DACT1: variants seen among roughly 807,000 people sequenced by gnomAD.
The protein encoded by DACT1 is dapper homolog 1.
Under a neutral mutation model 35.3 loss-of-function variants are expected in DACT1, and 19 were observed. The ratio of observed to expected loss-of-function variants is 0.54; its 90% CI spans 0.38 to 0.79. The LOEUF (loss-of-function observed/expected upper bound fraction) is 0.79, where lower values mean the gene tolerates loss of function less well. DACT1 is among the 30% of genes least tolerant of loss of function. The pLI is 0.00. For synonymous variants in DACT1, 545 were observed against 466.7 expected (o/e 1.17, Z -2.16); for missense variants, 1,143 against 1,057.5 (o/e 1.08, Z -1.12).
rs1165957950 is a variant in DACT1 at position 58,646,629 on chromosome 14, C to G, written c.1895C>G (p.Pro632Arg). 1.2e-6 allele frequency: 2 copies of G among 1,610,572 alleles called. No homozygotes were observed. Among genetic ancestry groups the G allele is most frequent in the Non-Finnish European group, 1.7e-6 (2 of 1,178,812 alleles). ...GGACGGGAGGCGGTGGTGGCCAAAC[C>G]TAAGCACAAGCGAACTGACTACCGG... ...GHGREAVVAK[P>R]KHKRTDYRRW... The change falls in exon 4 of 4, where the codon CCT becomes CGT. Residue 632 changes from proline (P) to arginine (R), a missense_variant. This residue lies in a region of DACT1 where 1,054 missense variants were observed against 958.8 expected (regional missense o/e 1.10). Coordinates refer to ENST00000395153, the MANE Select transcript of DACT1 (RefSeq NM_001079520.2).
Position 58,646,006 on chromosome 14 carries a change from A to G in DACT1, c.1272A>G (p.Gln424=). Residue 424 remains glutamine (Q), a synonymous_variant, in exon 4 of 4, where the codon CAA becomes CAG. Coordinates refer to ENST00000395153, the MANE Select transcript of DACT1 (RefSeq NM_001079520.2). The part of the protein sequence containing the change: ...HLPKTAKPAS[Q]EHARCSAIGT... ...CAAAAACGGCCAAGCCAGCCTCGCA[A>G]GAACATGCTCGGTGTTCCGCCATTG... 6 of 1,614,142 alleles carry G rather than the reference A, an allele frequency of 3.7e-6. No homozygotes were observed. Among genetic ancestry groups the G allele is most frequent in the Non-Finnish European group, 5.1e-6 (6 of 1,180,030 alleles).
In DACT1 at chr14:58,638,323, C is replaced by T; in HGVS notation, c.121C>T (p.Arg41Trp). The change falls in exon 1 of 4, where the codon CGG becomes TGG. Residue 41 changes from arginine (R) to tryptophan (W), a missense_variant. Transcript: ENST00000395153. ...WREKGEADTE[R>W]QRTRERQEAT... ...GGAGAAGGGCGAGGCAGACACCGAG[C>T]GGCAGCGCACCCGGGAGCGGCAGGA... 1 of 1,321,674 alleles carries T rather than the reference C, an allele frequency of 7.6e-7. No homozygotes were observed. Among genetic ancestry groups the T allele is most frequent in the Non-Finnish European group, 9.6e-7 (1 of 1,041,074 alleles). The allele number at this position is 1,321,674 out of a possible 1,614,324, so 81.9% of individuals were successfully genotyped here.
intron 3 of DACT1, among the ~76,000 whole-genome samples, chr14:58,642,229 A>G (rs960602685): frequency 6.6e-6 from 1 of 152,118 alleles, no homozygotes; most frequent in East Asian, 1.9e-4. Flanking sequence ...GCTCATGACT[A>G]TAATCCTAGC....
intron 3 of DACT1, among the ~76,000 whole-genome samples, chr14:58,642,083 C>T (rs2047632226): frequency 6.6e-6 from 1 of 152,272 alleles, no homozygotes; most frequent in African/African-American, 2.4e-5. Flanking sequence ...CTGTTTTCTT[C>T]TTTTAATTAT....
At chr14:58,642,209 C>T (rs144914472) in intron 3 of DACT1, among the ~76,000 whole-genome samples, 78 of 151,886 alleles carry the variant, frequency 5.1e-4, no homozygotes, top group Non-Finnish European at 9.1e-4. Flanking sequence ...TGGGTTGGCC[C>T]GGTGCAGTGG....
At chr14:58,641,013 T>G (rs575726060) in intron 2 of DACT1, 145 bp downstream of exon 2, 42 of 904,880 alleles carry the variant, frequency 4.6e-5, no homozygotes, top group Non-Finnish European at 5.5e-5. Context: ...TGCCATTCAG[T>G]TTTATCGGAA....
chr14:58,638,290 C>A lies in DACT1; in HGVS notation c.88C>A (p.Arg30Ser). 1 of 1,347,752 alleles carries A rather than the reference C, an allele frequency of 7.4e-7. No individual in the cohort carries two copies. The highest frequency in any genetic ancestry group is 9.5e-7 in the Non-Finnish European group (1 of 1,053,472). The allele number at this position is 1,347,752 out of a possible 1,614,324, so 83.5% of individuals were successfully genotyped here. A position where few individuals can be genotyped will look rare whatever the true frequency, so the allele number is the denominator to read the frequency against. ...GEQRTAEPEG[R>S]WREKGEADTE... Reference sequence around the variant, plus strand: ...GCAGCGCACGGCGGAGCCCGAGGGGCGCTGGCGGGAGAAGGGCGAGGCAGA... The same window carrying A: ...GCAGCGCACGGCGGAGCCCGAGGGGAGCTGGCGGGAGAAGGGCGAGGCAGA... Residue 30 changes from arginine to serine, a missense_variant, in exon 1 of 4, where the codon CGC becomes AGC. Physicochemically the swap from Arg to Ser is moderately radical, Grantham distance 110. This residue lies in a region of DACT1 where 85 missense variants were observed against 81.8 expected (regional missense o/e 1.04). Coordinates refer to ENST00000395153, the MANE Select transcript of DACT1 (RefSeq NM_001079520.2).
rs2047710683 is a variant in DACT1 at position 58,647,912 on chromosome 14, C to T, written c.*778C>T. On this transcript the variant is annotated 3_prime_UTR_variant, in exon 4 of 4. Coordinates refer to ENST00000395153, the MANE Select transcript of DACT1 (RefSeq NM_001079520.2). ...TTAGTTTTGGGATAAAATTTTGGTC[C>T]TTGGGCACAGAGACATTCACTATTA... The T allele has an allele frequency of 6.0e-6, 1 of 166,960 alleles. No individual in the cohort carries two copies. The highest frequency in any genetic ancestry group is 1.5e-5 in the Non-Finnish European group (1 of 68,094). The allele number at this position is 166,960 out of a possible 1,614,324, so 10.3% of individuals were successfully genotyped here. A position where few individuals can be genotyped will look rare whatever the true frequency, so the allele number is the denominator to read the frequency against.
rs1447313225 is a variant in DACT1 at position 58,647,183 on chromosome 14, A to G, written c.*49A>G. 2.5e-6 allele frequency: 4 copies of G among 1,574,648 alleles called. No homozygotes were observed. The highest frequency in any genetic ancestry group is 4.2e-5 in the Admixed American group (2 of 47,906). The stretch of plus-strand genomic sequence containing the variant: ...TTGTGTGTTTTTTTTTCTTCTCCCT[A>G]GTTGCCAAAATTAAAAAGGTGGTGT... On this transcript the variant is annotated 3_prime_UTR_variant, in exon 4 of 4. Coordinates refer to ENST00000395153, the MANE Select transcript of DACT1 (RefSeq NM_001079520.2).
Position 58,646,784 on chromosome 14 carries a change from G to A in DACT1, c.2050G>A (p.Ala684Thr), listed in dbSNP as rs764975422. The change falls in exon 4 of 4, where the codon GCT (alanine) becomes ACT (threonine). Residue 684 changes from alanine to threonine, a missense_variant. By Grantham distance (58) the Ala-to-Thr change is moderately conservative. Around this residue, in one of 3 missense-constraint regions of DACT1, gnomAD observed 1,054 missense variants for 958.8 expected, o/e 1.10. Coordinates refer to ENST00000395153, the MANE Select transcript of DACT1 (RefSeq NM_001079520.2). ...CTACGCCAGCCCCTACGCCTACGTGGCTAGCGACTCCGAGTACTCGGCCGA... is the reference window on the plus strand; with the variant it reads ...CTACGCCAGCCCCTACGCCTACGTGACTAGCGACTCCGAGTACTCGGCCGA... ...LPYASPYAYV[A>T]SDSEYSAECE... 2.5e-6 allele frequency: 4 copies of A among 1,614,154 alleles called. No individual in the cohort carries two copies. Among genetic ancestry groups the A allele is most frequent in the South Asian group, 1.1e-5 (1 of 91,088 alleles).
Position 58,646,301 on chromosome 14 carries a change from A to T in DACT1, c.1567A>T (p.Ile523Phe), listed in dbSNP as rs751686023. 2.4e-5 allele frequency: 39 copies of T among 1,610,842 alleles called. No homozygotes were observed. Among genetic ancestry groups the T allele is most frequent in the African/African-American group, 4.0e-5 (3 of 74,668 alleles). The change falls in exon 4 of 4, where the codon ATC becomes TTC. Residue 523 changes from isoleucine (I) to phenylalanine (F), a missense_variant. Physicochemically the swap from Ile to Phe is conservative, Grantham distance 21 (BLOSUM62 0). Around this residue, in one of 3 missense-constraint regions of DACT1, gnomAD observed 1,054 missense variants for 958.8 expected, o/e 1.10. Transcript: ENST00000395153. ...EEAHLVKAQFIPGQQPSVRLH... is the reference protein window; with the variant it reads ...EEAHLVKAQFFPGQQPSVRLH... ...AGCGCACCTGGTCAAGGCCCAGTTTATCCCGGGGCAGCAGCCCAGTGTCAG... is the reference window on the plus strand; with the variant it reads ...AGCGCACCTGGTCAAGGCCCAGTTTTTCCCGGGGCAGCAGCCCAGTGTCAG...
chr14:58,646,354 C>T lies in DACT1; in HGVS notation c.1620C>T (p.Gly540=), dbSNP rs775086704. The part of the protein sequence containing the change: ...VRLHRGHRNM[G]VVKNSSLKHR... Reference sequence around the variant, plus strand: ...TCCACCGGGGCCACAGGAACATGGGCGTCGTGAAGAACTCCAGCCTGAAGC... The same window carrying T: ...TCCACCGGGGCCACAGGAACATGGGTGTCGTGAAGAACTCCAGCCTGAAGC... The change falls in exon 4 of 4, where the codon GGC becomes GGT. Residue 540 remains glycine (G), a synonymous_variant. Transcript: ENST00000395153. The T allele has an allele frequency of 2.5e-6, 4 of 1,606,402 alleles. No individual in the cohort carries two copies. Among genetic ancestry groups the T allele is most frequent in the Non-Finnish European group, 3.4e-6 (4 of 1,178,178 alleles).
chr14:58,639,318 T>G, intron 1 of DACT1: 2 of 954,838 alleles, frequency 2.1e-6, no homozygotes, highest in Non-Finnish European at 2.5e-6. Flanking sequence ...TATGCAGTCT[T>G]CATTAATGGG....
intron 3 of DACT1, 25 bp from the exon 4 acceptor site, chr14:58,645,344 T>C (rs1242841457): frequency 5.0e-6 from 8 of 1,614,208 alleles, no homozygotes; most frequent in Non-Finnish European, 6.8e-6. Context: ...CACACCACAA[T>C]TTAATTCCCT....
At chr14:58,636,785 G>A (rs1263055436), upstream of DACT1, among the ~76,000 whole-genome samples, 1 of 151,972 alleles carries the variant, frequency 6.6e-6, no homozygotes, top group African/African-American at 2.4e-5. Flanking sequence ...AGATATATGT[G>A]GTACTTTTCC....
At position 58,646,987 on chromosome 14, in the gene DACT1, C is replaced by T. The variant is rs780919243; in HGVS notation, c.2253C>T (p.Val751=). 1 of 1,614,070 alleles carries T rather than the reference C, an allele frequency of 6.2e-7. No homozygotes were observed. Among genetic ancestry groups the T allele is most frequent in the Non-Finnish European group, 8.5e-7 (1 of 1,180,040 alleles). ...GGGGCTTAATTTGGTCCCAGTTTGT[C>T]CAGACTCTGCCCATTCAAACGGTAA... is the stretch of plus-strand genomic sequence containing the variant. ...ESGGLIWSQF[V]QTLPIQTVTA... The change falls in exon 4 of 4, where the codon GTC becomes GTT. Residue 751 remains valine (V), a synonymous_variant. Transcript: ENST00000395153.
chr14:58,638,211 G>T lies in DACT1; in HGVS notation c.9G>T (p.Pro3=). The T allele has an allele frequency of 7.5e-7, 1 of 1,338,942 alleles. No individual in the cohort carries two copies. Among genetic ancestry groups the T allele is most frequent in the South Asian group, 1.8e-5 (1 of 54,688 alleles). The allele number at this position is 1,338,942 out of a possible 1,614,324, so 82.9% of individuals were successfully genotyped here. A position where few individuals can be genotyped will look rare whatever the true frequency, so the allele number is the denominator to read the frequency against. MK[P]SPAGTAKELE... Reference sequence around the variant, plus strand: ...CTGCCCGACTGGGGGCCATGAAGCCGAGTCCGGCCGGGACGGCGAAGGAGC... The same window carrying T: ...CTGCCCGACTGGGGGCCATGAAGCCTAGTCCGGCCGGGACGGCGAAGGAGC... Residue 3 remains proline (P), a synonymous_variant, in exon 1 of 4, where the codon CCG becomes CCT. Transcript: ENST00000395153.
chr14:58,642,520 CCT>C (rs1209723786), intron 3 of DACT1, among the ~76,000 whole-genome samples: 5 of 150,570 alleles, frequency 3.3e-5, no homozygotes, highest in African/African-American at 9.8e-5. Context: ...ATGATGAAAC[CCT>C]GTCTCTACTA....
upstream of DACT1, among the ~76,000 whole-genome samples, chr14:58,635,555 C>T (rs919399793): frequency 1.3e-5 from 2 of 152,080 alleles, no homozygotes; most frequent in Non-Finnish European, 2.9e-5. Context: ...ATTTTATTGG[C>T]GGAACCATCT....
Sources: allele counts gnomAD v4.1 joint callset (sites outside exome capture counted in the v4.1 genomes callset), GRCh38; gene constraint gnomAD v4.1.1; regional missense constraint gnomAD v4.1.1; transcripts MANE v1.5; gene names NCBI Gene and HGNC (gene_info 2026-07-23, HGNC 2026-07-21).